Variants in TUSC3 observed in about 807,000 individuals in gnomAD.
TUSC3 encodes the protein tumor suppressor candidate 3.
Under a neutral mutation model 44.8 loss-of-function variants are expected in TUSC3, and 45 were observed. That is an observed-to-expected ratio of 1.00 (90% confidence interval 0.79 to 1.29). The LOEUF (loss-of-function observed/expected upper bound fraction) is 1.29. TUSC3 is among the 50% of genes most tolerant of loss of function. TUSC3 has a pLI of 0.00. For synonymous variants in TUSC3, 212 were observed against 152.9 expected, an observed-to-expected ratio of 1.39 and a Z score of -2.85; for missense variants, 519 against 437.9, an observed-to-expected ratio of 1.19 and a Z score of -1.65.
intron 1 of TUSC3, among the ~76,000 whole-genome samples, chr8:15,472,150 C>G (rs1023793857): frequency 6.6e-6 from 1 of 152,148 alleles, no homozygotes; most frequent in Non-Finnish European, 1.5e-5. Context: ...AATTTTCCAA[C>G]CTGGAATTGA....
chr8:15,615,442 T>C (rs1031003611), intron 1 of TUSC3, among the ~76,000 whole-genome samples: 3 of 151,942 alleles, frequency 2.0e-5, no homozygotes, highest in Admixed American at 2.0e-4. Flanking sequence ...AAGTAGAGAG[T>C]AGAATTACAA....
At chr8:15,736,852 G>C (rs965220531) in intron 7 of TUSC3, among the ~76,000 whole-genome samples, 1 of 152,050 alleles carries the variant, frequency 6.6e-6, no homozygotes, top group African/African-American at 2.4e-5. Flanking sequence ...CCAAGATATG[G>C]TCTCTCTGTA....
chr8:15,596,303 A>T (rs1261442341), intron 1 of TUSC3, among the ~76,000 whole-genome samples: 1 of 152,158 alleles, frequency 6.6e-6, no homozygotes, highest in Non-Finnish European at 1.5e-5. Flanking sequence ...GTAAAAAATT[A>T]TTTGGAACTT....
At chr8:15,634,230 C>G (rs980726) in intron 2 of TUSC3, among the ~76,000 whole-genome samples, 32,818 of 152,078 alleles carry the variant, frequency 0.22, 4,221 homozygotes, top group South Asian at 0.36. Context: ...CAAATGGGAC[C>G]TTCATCATTA....
At chr8:15,726,634 T>C (rs1585272058) in intron 6 of TUSC3, among the ~76,000 whole-genome samples, 2 of 151,908 alleles carry the variant, frequency 1.3e-5, no homozygotes, top group Non-Finnish European at 2.9e-5. Flanking sequence ...GGTGAAACCC[T>C]ATCTCTACTA....
intron 1 of TUSC3, among the ~76,000 whole-genome samples, chr8:15,457,243 C>A (rs772548241): frequency 6.6e-6 from 1 of 151,648 alleles, no homozygotes. Context: ...GTGCAGCACA[C>A]CAACATGGCA....
At chr8:15,731,126 C>T (rs1585277250) in intron 7 of TUSC3, among the ~76,000 whole-genome samples, 1 of 151,940 alleles carries the variant, frequency 6.6e-6, no homozygotes, top group Admixed American at 6.6e-5. Flanking sequence ...TATGGTATGT[C>T]AGAAGAAGGA....
At chr8:15,467,695 T>C (rs1010909707) in intron 1 of TUSC3, among the ~76,000 whole-genome samples, 2 of 152,196 alleles carry the variant, frequency 1.3e-5, no homozygotes, top group African/African-American at 2.4e-5. Flanking sequence ...TGCCTTTGAA[T>C]GTATTCCTTC....
intron 7 of TUSC3, among the ~76,000 whole-genome samples, chr8:15,739,741 A>G (rs1361527197): frequency 6.6e-6 from 1 of 152,216 alleles, no homozygotes; most frequent in East Asian, 1.9e-4. Flanking sequence ...GCCTAAAGAT[A>G]TTTCATGCTG....
intron 1 of TUSC3, among the ~76,000 whole-genome samples, chr8:15,430,987 A>T (rs751247783): frequency 6.6e-6 from 1 of 151,722 alleles, no homozygotes; most frequent in Admixed American, 6.6e-5. Flanking sequence ...TTAAAGGTGA[A>T]GTGATACATG....
chr8:15,817,093 T>C, the TUSC3 span, among the ~76,000 whole-genome samples: 1 of 152,204 alleles, frequency 6.6e-6, no homozygotes, highest in Non-Finnish European at 1.5e-5. Flanking sequence ...CTGGTCGTTA[T>C]CTAAAAGGGA....
chr8:15,630,835 G>C (rs1805729772), intron 2 of TUSC3, among the ~76,000 whole-genome samples: 1 of 151,978 alleles, frequency 6.6e-6, no homozygotes, highest in East Asian at 1.9e-4. Context: ...AAAATCACGT[G>C]GAAAAGAGCC....
At chr8:15,721,890 A>G (rs1298325643) in intron 6 of TUSC3, among the ~76,000 whole-genome samples, 2 of 151,816 alleles carry the variant, frequency 1.3e-5, no homozygotes, top group Admixed American at 6.6e-5. Context: ...TAATTGGTAT[A>G]GTATTTTTGT....
chr8:15,619,397 C>T (rs192481374), intron 1 of TUSC3, among the ~76,000 whole-genome samples: 4 of 152,158 alleles, frequency 2.6e-5, no homozygotes, highest in Admixed American at 2.6e-4. Flanking sequence ...TCTGCTCTTC[C>T]TCGTTTACCC....
At position 15,466,410 on chromosome 8, in the gene TUSC3, A is replaced by G. The variant is rs534540190; in HGVS notation, n.92-16976A>G. On this transcript the variant is annotated intron_variant and non_coding_transcript_variant, in intron 1 of 5. Transcript: ENST00000503191. ...AGAACCTAATGTAAGTTAATCTGGT[A>G]TTTTGAAATTGTAAAAACCTAATTT... Among the ~76,000 whole-genome samples, 185 of 152,290 alleles carry G rather than the reference A, an allele frequency of 1.2e-3. 1 individual carries two copies. The highest frequency in any genetic ancestry group is 4.4e-3 in the African/African-American group (182 of 41,582).
In TUSC3 at chr8:15,589,639, A is replaced by G. The variant is rs145009999; in HGVS notation, c.139-33441A>G. 4.5e-4 allele frequency among the ~76,000 whole-genome samples: 69 copies of G among 152,278 alleles called. 1 individual carries two copies. Among genetic ancestry groups the G allele is most frequent in the African/African-American group, 1.5e-3 (62 of 41,560 alleles). ...CTTTAAGCTAATGCTATTATAACCT[A>G]TATTAATTAGGTTCTTAAAGTTTTT... On this transcript the variant is annotated intron_variant, in intron 1 of 10. Transcript: ENST00000503731.
rs1219302780 is a variant in TUSC3 at position 15,504,611 on chromosome 8, ATATATATATATTTTTTTTTT to A, written n.189+21130_189+21149del. ...TATATATATATATATATATATATAT[ATATATATATATTTTTTTTTT>A]TTTTTTTTTTTAAGTGGGTTTTTTT... On this transcript the variant is annotated intron_variant and non_coding_transcript_variant, in intron 2 of 5. Transcript: ENST00000503191. Among the ~76,000 whole-genome samples, 8 of 22,332 alleles carry A rather than the reference ATATATATATATTTTTTTTTT, an allele frequency of 3.6e-4. 1 individual carries two copies. Among genetic ancestry groups the A allele is most frequent in the African/African-American group, 1.9e-3 (8 of 4,190 alleles). 14.7% of individuals were successfully genotyped at this position (22,332 alleles called of 152,430 possible).
upstream of TUSC3, among the ~76,000 whole-genome samples, chr8:15,536,157 T>C (rs79656692): frequency 5.9e-5 from 9 of 152,166 alleles, no homozygotes; most frequent in Non-Finnish European, 1.2e-4. Flanking sequence ...GTACAAAGTG[T>C]AGAGACAGAG....
intron 2 of TUSC3, among the ~76,000 whole-genome samples, chr8:15,642,728 A>G (rs1219412355): frequency 6.6e-6 from 1 of 152,170 alleles, no homozygotes; most frequent in African/African-American, 2.4e-5. Context: ...TTTTTTGAGT[A>G]TCATGATAGT....
Sources: allele counts gnomAD v4.1 joint callset (sites outside exome capture counted in the v4.1 genomes callset), GRCh38; gene constraint gnomAD v4.1.1; transcripts MANE v1.5; gene names NCBI Gene and HGNC (gene_info 2026-07-23, HGNC 2026-07-21).